The following PTPRM variants were observed in gnomAD, a reference collection of about 807,000 sequenced individuals.
The protein encoded by PTPRM is receptor-type tyrosine-protein phosphatase mu.
PTPRM carries 47 observed loss-of-function variants against 186.7 expected under a neutral mutation model. That is an observed-to-expected ratio of 0.25 (90% CI 0.20 to 0.32). The LOEUF (loss-of-function observed/expected upper bound fraction) is 0.32, where lower values mean the gene tolerates loss of function less well. Ranked by LOEUF, PTPRM falls within the 10% of genes least tolerant of loss-of-function variation. PTPRM has a pLI of 1.00. For missense variants in PTPRM, 1,494 were observed against 1,865.0 expected (o/e 0.80, Z 3.66); for synonymous variants, 668 against 674.9 (o/e 0.99, Z 0.16).
intron 22 of PTPRM, among the ~76,000 whole-genome samples, chr18:8,342,063 G>A (rs1568786542): frequency 1.3e-5 from 2 of 152,160 alleles, no homozygotes; most frequent in Non-Finnish European, 2.9e-5. Flanking sequence ...AGCGGCAAGG[G>A]AGAAATGATA....
At chr18:8,029,319 C>T (rs1323637484) in intron 7 of PTPRM, among the ~76,000 whole-genome samples, 1 of 149,988 alleles carries the variant, frequency 6.7e-6, no homozygotes, top group Non-Finnish European at 1.5e-5. Flanking sequence ...GCCCCTCCTC[C>T]ACCTGTCCTG....
intron 7 of PTPRM, among the ~76,000 whole-genome samples, chr18:8,059,382 C>A (rs2148345760): frequency 1.4e-5 from 1 of 71,900 alleles, no homozygotes; most frequent in South Asian, 7.5e-4. Context: ...TCTAGATAAA[C>A]AATCATGTCG....
chr18:7,843,414 C>T (rs576912818), intron 2 of PTPRM, among the ~76,000 whole-genome samples: 1 of 152,280 alleles, frequency 6.6e-6, no homozygotes, highest in Admixed American at 6.5e-5. Context: ...CAAGATTCTG[C>T]ATTCTTTAAT....
chr18:7,584,470 A>G (rs1700502305), intron 1 of PTPRM, among the ~76,000 whole-genome samples: 1 of 152,188 alleles, frequency 6.6e-6, no homozygotes. Flanking sequence ...TCTTCATGGT[A>G]ACTCAAGGCC....
chr18:7,969,482 A>T (rs899985195), intron 7 of PTPRM, among the ~76,000 whole-genome samples: 1 of 148,144 alleles, frequency 6.8e-6, no homozygotes, highest in Non-Finnish European at 1.5e-5. Context: ...GGAAATAGAG[A>T]CACAAAAAAC....
At chr18:7,645,063 A>G (rs1471180313) in intron 1 of PTPRM, among the ~76,000 whole-genome samples, 1 of 152,132 alleles carries the variant, frequency 6.6e-6, no homozygotes, top group African/African-American at 2.4e-5. Context: ...ACAGTTATGC[A>G]TTTTCTGTCA....
At chr18:8,120,222 T>C (rs2092118571) in intron 13 of PTPRM, among the ~76,000 whole-genome samples, 1 of 152,168 alleles carries the variant, frequency 6.6e-6, no homozygotes, top group South Asian at 2.1e-4. Context: ...AAGTATAGCA[T>C]AATCAAATTT....
chr18:7,813,760 T>C (rs1460380497), intron 2 of PTPRM, among the ~76,000 whole-genome samples: 3 of 152,114 alleles, frequency 2.0e-5, no homozygotes, highest in Non-Finnish European at 4.4e-5. Context: ...CATTTTTTCA[T>C]CTTTTTTTCC....
intron 2 of PTPRM, among the ~76,000 whole-genome samples, chr18:7,816,972 TTAA>T (rs1239144805): frequency 2.4e-5 from 3 of 125,030 alleles, no homozygotes; most frequent in African/African-American, 6.6e-5. Flanking sequence ...AGTTAGTTAA[TTAA>T]TTTTTTTTTT....
intron 7 of PTPRM, among the ~76,000 whole-genome samples, chr18:8,041,532 A>G (rs2086691415): frequency 1.3e-5 from 2 of 152,078 alleles, no homozygotes; most frequent in African/African-American, 4.8e-5. Context: ...TCTTTCTTAT[A>G]AGATGTGTAA....
At chr18:8,272,224 G>C (rs968392925) in intron 19 of PTPRM, among the ~76,000 whole-genome samples, 1 of 135,660 alleles carries the variant, frequency 7.4e-6, no homozygotes, top group African/African-American at 2.7e-5. Flanking sequence ...AAAAAAAAAA[G>C]AAAGAAAGAA....
chr18:7,748,986 A>G (rs1223228311), intron 1 of PTPRM: 6 of 152,336 alleles, frequency 3.9e-5, no homozygotes, highest in African/African-American at 1.4e-4. Context: ...CTCCATTGAT[A>G]TTTCTTGATT....
chr18:7,903,237 A>C (rs2049794908), intron 3 of PTPRM, among the ~76,000 whole-genome samples: 1 of 152,210 alleles, frequency 6.6e-6, no homozygotes, highest in Non-Finnish European at 1.5e-5. Flanking sequence ...AAGAAGGAAG[A>C]GAGGATGGCA....
chr18:8,311,475 C>A (rs563405360), intron 20 of PTPRM, among the ~76,000 whole-genome samples: 1 of 152,226 alleles, frequency 6.6e-6, no homozygotes, highest in Admixed American at 6.5e-5. Flanking sequence ...GCAGCCTGTG[C>A]CTCTGTGCTG....
At chr18:8,252,206 A>G (rs1396346708) in intron 17 of PTPRM, among the ~76,000 whole-genome samples, 3 of 152,256 alleles carry the variant, frequency 2.0e-5, no homozygotes, top group Admixed American at 6.5e-5. Context: ...TTGAATACAA[A>G]TAAGACTTAT....
intron 32 of PTPRM, among the ~76,000 whole-genome samples, 194 bp from the exon 33 acceptor site, chr18:8,405,915 C>T (rs1467625570): frequency 1.3e-5 from 2 of 152,180 alleles, no homozygotes; most frequent in Non-Finnish European, 2.9e-5. Context: ...AAATACCTTC[C>T]ACCCAGCATT....
At chr18:7,677,515 A>C (rs8099392) in intron 1 of PTPRM, among the ~76,000 whole-genome samples, 24,336 of 152,166 alleles carry the variant, frequency 0.16, 2,283 homozygotes, top group South Asian at 0.23. Flanking sequence ...CACCTTCCTT[A>C]GAAGGCCCTT....
At chr18:7,911,490 A>G (rs568683290) in intron 4 of PTPRM, among the ~76,000 whole-genome samples, 2 of 152,312 alleles carry the variant, frequency 1.3e-5, no homozygotes, top group South Asian at 4.1e-4. Flanking sequence ...AATGATGTTG[A>G]GCATCTTTCC....
intron 1 of PTPRM, among the ~76,000 whole-genome samples, chr18:7,629,327 C>T (rs1023338910): frequency 2.0e-5 from 3 of 152,134 alleles, no homozygotes; most frequent in Non-Finnish European, 2.9e-5. Context: ...AGGATTCAAG[C>T]ATTAGGTTGA....
Sources: allele counts gnomAD v4.1 joint callset (sites outside exome capture counted in the v4.1 genomes callset), GRCh38; gene constraint gnomAD v4.1.1; transcripts MANE v1.5; gene names NCBI Gene and HGNC (gene_info 2026-07-23, HGNC 2026-07-21).